LRRTM4: variants seen among roughly 807,000 people sequenced by gnomAD.
LRRTM4 encodes the protein leucine rich repeat transmembrane neuronal 4.
LRRTM4 carries 25 observed loss-of-function variants against 47.6 expected under a neutral mutation model. That is an observed-to-expected ratio of 0.53 (90% CI 0.38 to 0.73). The LOEUF (loss-of-function observed/expected upper bound fraction) is 0.73, where lower values mean the gene tolerates loss of function less well. LRRTM4 is among the 30% of genes least tolerant of loss of function. LRRTM4 has a pLI of 0.00. For missense variants in LRRTM4, 638 were observed against 713.4 expected (o/e 0.89, Z 1.20); for synonymous variants, 311 against 269.5 (o/e 1.15, Z -1.51).
chr2:77,207,372 T>TATATATATACACACACACAC (rs59335400), intron 3 of LRRTM4, among the ~76,000 whole-genome samples: 5 of 131,108 alleles, frequency 3.8e-5, no homozygotes, highest in East Asian at 2.7e-4. Context: ...TATATATATA[T>TATATATATACACACACACAC]ACACACACAC....
At chr2:76,905,740 G>A (rs1573291429) in intron 3 of LRRTM4, among the ~76,000 whole-genome samples, 2 of 151,286 alleles carry the variant, frequency 1.3e-5, no homozygotes, top group Admixed American at 1.3e-4. Context: ...GGAAGAAAGG[G>A]TATCAGTGAT....
At chr2:77,109,318 GA>G in intron 3 of LRRTM4, among the ~76,000 whole-genome samples, 1 of 151,876 alleles carries the variant, frequency 6.6e-6, no homozygotes, top group East Asian at 1.9e-4. Context: ...GTTGGAATGT[GA>G]AAAAAAATGA....
chr2:76,804,400 G>A (rs1675856586), intron 3 of LRRTM4, among the ~76,000 whole-genome samples: 1 of 151,866 alleles, frequency 6.6e-6, no homozygotes, highest in Admixed American at 6.6e-5. Context: ...CACACACACA[G>A]CTTCTCAGTG....
chr2:76,773,128 A>AC (rs1203830722), intron 3 of LRRTM4: 1 of 152,206 alleles, frequency 6.6e-6, no homozygotes, highest in African/African-American at 2.4e-5. Flanking sequence ...TTTCTCAAGG[A>AC]CCTGGGAGAC....
chr2:76,864,235 T>C (rs1672400726), intron 3 of LRRTM4, among the ~76,000 whole-genome samples: 1 of 152,218 alleles, frequency 6.6e-6, no homozygotes, highest in African/African-American at 2.4e-5. Context: ...GGACATGGAA[T>C]AGAGCAATTT....
In LRRTM4 at chr2:77,048,018, A is replaced by G. The variant is rs72825331; in HGVS notation, c.1552-299102T>C. On this transcript the variant is annotated intron_variant, in intron 3 of 3. Coordinates refer to ENST00000409884, the MANE Select transcript of LRRTM4 (RefSeq NM_001134745.3). Reference sequence around the variant, plus strand: ...ATAAGGTGATTATTTTTATATCTAGATGCAAAGACATTTTGATACAAAACA... The same window carrying G: ...ATAAGGTGATTATTTTTATATCTAGGTGCAAAGACATTTTGATACAAAACA... Among the ~76,000 whole-genome samples, 728 of 152,122 alleles carry G rather than the reference A, an allele frequency of 4.8e-3. 1 individual carries two copies. Among genetic ancestry groups the G allele is most frequent in the Non-Finnish European group, 8.6e-3 (582 of 67,976 alleles).
intron 3 of LRRTM4, among the ~76,000 whole-genome samples, chr2:77,469,172 C>T (rs1027906014): frequency 4.6e-5 from 7 of 152,122 alleles, no homozygotes; most frequent in Non-Finnish European, 8.8e-5. Context: ...TAAGCATTTA[C>T]ATTTGGGGAA....
At chr2:77,024,617 TTCTC>T (rs1385348434) in intron 3 of LRRTM4, among the ~76,000 whole-genome samples, 1 of 152,154 alleles carries the variant, frequency 6.6e-6, no homozygotes, top group African/African-American at 2.4e-5. Flanking sequence ...TTATAATCTC[TTCTC>T]TTTTTGTTTT....
intron 3 of LRRTM4, among the ~76,000 whole-genome samples, chr2:76,865,227 C>T (rs1672432320): frequency 6.6e-6 from 1 of 151,968 alleles, no homozygotes; most frequent in Non-Finnish European, 1.5e-5. Context: ...AAATCATGTC[C>T]CTCCTGATAC....
chr2:77,276,686 C>CATATATATATAT (rs3980215), intron 3 of LRRTM4, among the ~76,000 whole-genome samples: 4 of 71,714 alleles, frequency 5.6e-5, no homozygotes, highest in South Asian at 1.3e-3. Flanking sequence ...TTTGTGTACG[C>CATATATATATAT]ATATATATAT....
At chr2:77,184,158 T>C (rs1202859484) in intron 3 of LRRTM4, among the ~76,000 whole-genome samples, 1 of 152,046 alleles carries the variant, frequency 6.6e-6, no homozygotes, top group Non-Finnish European at 1.5e-5. Context: ...AAAAATAAAG[T>C]ATAACTAAAG....
intron 3 of LRRTM4, among the ~76,000 whole-genome samples, chr2:77,126,437 T>C (rs1474455317): frequency 6.6e-6 from 1 of 152,178 alleles, no homozygotes; most frequent in African/African-American, 2.4e-5. Context: ...GTATCATTTA[T>C]TGTATCTTCT....
chr2:76,955,780 C>A (rs1386406697), intron 3 of LRRTM4, among the ~76,000 whole-genome samples: 1 of 151,656 alleles, frequency 6.6e-6, no homozygotes, highest in Non-Finnish European at 1.5e-5. Flanking sequence ...CGTCTGCAAC[C>A]AAGAGTGGGC....
intron 3 of LRRTM4, among the ~76,000 whole-genome samples, chr2:77,469,960 G>A (rs761506403): frequency 1.3e-5 from 2 of 152,052 alleles, no homozygotes; most frequent in African/African-American, 2.4e-5. Context: ...ATTTATAAAA[G>A]TGCAGTTAAT....
At chr2:76,925,767 C>G (rs57972121) in intron 3 of LRRTM4, among the ~76,000 whole-genome samples, 7,975 of 152,116 alleles carry the variant, frequency 0.052, 482 homozygotes, top group East Asian at 0.13. Context: ...GTGGTTTTTA[C>G]TATGCAATTT....
At chr2:76,839,544 C>A (rs1232073696) in intron 3 of LRRTM4, among the ~76,000 whole-genome samples, 1 of 152,058 alleles carries the variant, frequency 6.6e-6, no homozygotes, top group Non-Finnish European at 1.5e-5. Context: ...AGTTGCATAT[C>A]AAGCCAACCT....
intron 3 of LRRTM4, among the ~76,000 whole-genome samples, chr2:77,033,123 G>T (rs565064857): frequency 6.6e-6 from 1 of 151,914 alleles, no homozygotes; most frequent in South Asian, 2.1e-4. Context: ...ATGTCTCTTG[G>T]GAGGAATGGC....
At chr2:77,425,292 G>A (rs1675062617) in intron 3 of LRRTM4, among the ~76,000 whole-genome samples, 1 of 152,036 alleles carries the variant, frequency 6.6e-6, no homozygotes, top group Non-Finnish European at 1.5e-5. Flanking sequence ...ACATTTCTCA[G>A]CCTAGTCATT....
rs185090367 is a variant in LRRTM4, at chr2:76,908,787, G to T, written c.1552-159871C>A. Among the ~76,000 whole-genome samples, 1,478 of 151,982 alleles carry T rather than the reference G, an allele frequency of 9.7e-3. 36 individuals carry two copies. The highest frequency in any genetic ancestry group is 0.034 in the African/African-American group (1,401 of 41,374). ...AATACCTAGGAATCCACCTTACAAG[G>T]GATGTGAAGGACCTCTTCCAGGAGA... On this transcript the variant is annotated intron_variant, in intron 3 of 3. Coordinates refer to ENST00000409884, the MANE Select transcript of LRRTM4 (RefSeq NM_001134745.3).
Sources: gnomAD v4.1 joint callset for allele counts (sites outside exome capture counted in the v4.1 genomes callset) on GRCh38, gnomAD v4.1.1 for gene constraint, MANE v1.5 for transcripts, NCBI Gene and HGNC (gene_info 2026-07-23, HGNC 2026-07-21) for gene names.